Variants in RNF8 observed in about 807,000 individuals in gnomAD.
RNF8 encodes ring finger protein 8.
RNF8 carries 8 observed loss-of-function variants against 59.3 expected under a neutral mutation model. That is an observed-to-expected ratio of 0.13 (90% confidence interval 0.08 to 0.24). The LOEUF (loss-of-function observed/expected upper bound fraction) is 0.24. Among genes scored for constraint, RNF8 ranks in the 10% least tolerant of loss-of-function variants. The pLI is 1.00. For synonymous variants in RNF8, 162 were observed against 200.0 expected, an observed-to-expected ratio of 0.81 and a Z score of 1.60; for missense variants, 406 against 572.6, an observed-to-expected ratio of 0.71 and a Z score of 2.97.
intron 2 of RNF8, among the ~76,000 whole-genome samples, chr6:37,365,863 C>T (rs571355523): frequency 9.2e-5 from 14 of 152,248 alleles, no homozygotes; most frequent in Middle Eastern, 3.4e-3. Flanking sequence ...TGTTCTGTAC[C>T]GCCATGGGAT....
chr6:37,367,191 T>C (rs986817857), intron 2 of RNF8, among the ~76,000 whole-genome samples: 1 of 152,180 alleles, frequency 6.6e-6, no homozygotes, highest in Non-Finnish European at 1.5e-5. Flanking sequence ...TGTTATCTCA[T>C]TAAATCCACA....
At chr6:37,366,568 G>C (rs543963379) in intron 2 of RNF8, among the ~76,000 whole-genome samples, 2 of 152,162 alleles carry the variant, frequency 1.3e-5, no homozygotes, top group African/African-American at 4.8e-5. Context: ...CTTTCTTTCC[G>C]TGTAAACCAA....
Position 37,370,887 on chromosome 6 carries a change from G to T in RNF8, c.976-625G>T, listed in dbSNP as rs574366483. On this transcript the variant is annotated intron_variant, in intron 3 of 7. Transcript: ENST00000373479. Reference sequence around the variant, plus strand: ...ATAGTAAATTAGAGAACAATTTCAAGTTGGCATATTAAATGGGTAGGTAAT... The same window carrying T: ...ATAGTAAATTAGAGAACAATTTCAATTTGGCATATTAAATGGGTAGGTAAT... 3.3e-5 allele frequency among the ~76,000 whole-genome samples: 5 copies of T among 152,198 alleles called. No individual in the cohort carries two copies. In the South Asian group the frequency reaches 1.0e-3, roughly 32 times the overall value.
Position 37,368,884 on chromosome 6 carries a change from A to G in RNF8, c.641A>G (p.Lys214Arg). ...AAGTTGACTGCCCTTGAGCCAAGTA[A>G]GACCACAGGGGCTCCCATTTACCCT... ...DPKLTALEPS[K>R]TTGAPIYPGF... Residue 214 changes from lysine (K) to arginine (R), a missense_variant, in exon 3 of 8, where the codon AAG (lysine) becomes AGG (arginine). Around this residue, in one of 3 missense-constraint regions of RNF8, gnomAD observed 285 missense variants for 342.0 expected, o/e 0.83. Coordinates refer to ENST00000373479, the MANE Select transcript of RNF8 (RefSeq NM_003958.4). 1 of 1,614,196 alleles carries G rather than the reference A, an allele frequency of 6.2e-7. No individual in the cohort carries two copies. Among genetic ancestry groups the G allele is most frequent in the South Asian group, 1.1e-5 (1 of 91,078 alleles).
intron 3 of RNF8, 123 bp downstream of exon 3, chr6:37,369,341 A>G: frequency 4.3e-6 from 5 of 1,175,784 alleles, no homozygotes; most frequent in South Asian, 3.3e-5. Flanking sequence ...AAGACAGGAA[A>G]TGGAATGGGA....
At chr6:37,387,197 A>C (rs1770540485) in intron 7 of RNF8, among the ~76,000 whole-genome samples, 1 of 152,188 alleles carries the variant, frequency 6.6e-6, no homozygotes, top group South Asian at 2.1e-4. Context: ...TATGGTTCTT[A>C]AGAAATCTGA....
At chr6:37,367,277 C>G (rs979454370) in intron 2 of RNF8, among the ~76,000 whole-genome samples, 3 of 152,208 alleles carry the variant, frequency 2.0e-5, no homozygotes, top group African/African-American at 4.8e-5. Context: ...GGTCAAGAAA[C>G]CTGGCCAACA....
rs561966478 is a variant in RNF8 at position 37,392,586 on chromosome 6, C to T, written c.*1828C>T. ...ATGGTAAACTGTACGCTATTCTGAA[C>T]CTTGCTTTTTTCAGATATATGTTGG... On this transcript the variant is annotated 3_prime_UTR_variant, in exon 8 of 8. Transcript: ENST00000373479. The T allele has an allele frequency of 2.5e-6, 1 of 398,554 alleles. No individual in the cohort carries two copies. The highest frequency in any genetic ancestry group is 4.4e-6 in the Non-Finnish European group (1 of 226,052). 24.7% of individuals were successfully genotyped at this position (398,554 alleles called of 1,614,324 possible).
At chr6:37,361,338 G>A (rs987436466) in intron 2 of RNF8, 14 of 455,444 alleles carry the variant, frequency 3.1e-5, no homozygotes, top group African/African-American at 2.8e-4. Flanking sequence ...CTGGGAGCAG[G>A]GGACCACCAG....
chr6:37,358,854 T>G (rs1769211894), intron 1 of RNF8, among the ~76,000 whole-genome samples: 1 of 152,092 alleles, frequency 6.6e-6, no homozygotes, highest in South Asian at 2.1e-4. Flanking sequence ...CCCAGCACTG[T>G]GGGAGGCTGA....
intron 1 of RNF8, chr6:37,359,270 C>T (rs538848719): frequency 2.3e-6 from 1 of 441,662 alleles, no homozygotes; most frequent in Non-Finnish European, 4.5e-6. Flanking sequence ...AGCTCTCAAG[C>T]TGTTCTTGTG....
chr6:37,379,197 G>A (rs1011474363), intron 6 of RNF8, among the ~76,000 whole-genome samples: 1 of 151,976 alleles, frequency 6.6e-6, no homozygotes, highest in South Asian at 2.1e-4. Context: ...TGTATTTTTA[G>A]TAGAGATGGG....
chr6:37,383,458 A>G (rs945407262), intron 7 of RNF8, among the ~76,000 whole-genome samples: 2 of 152,222 alleles, frequency 1.3e-5, no homozygotes, highest in African/African-American at 4.8e-5. Flanking sequence ...CAAGCCTGTA[A>G]TTGTCAGAGT....
intron 7 of RNF8, among the ~76,000 whole-genome samples, chr6:37,387,684 C>G (rs969123113): frequency 5.9e-5 from 9 of 152,116 alleles, no homozygotes; most frequent in African/African-American, 2.2e-4. Flanking sequence ...ATGCTAAGTG[C>G]TTGGGGATAA....
intron 2 of RNF8, among the ~76,000 whole-genome samples, chr6:37,363,555 A>G (rs960134389): frequency 3.3e-5 from 5 of 152,366 alleles, no homozygotes; most frequent in Admixed American, 3.3e-4. Context: ...AATTAAAACC[A>G]TAATGGAATA....
Position 37,371,580 on chromosome 6 carries a change from T to C in RNF8, c.1038+6T>C, listed in dbSNP as rs1160681613. 6.2e-7 allele frequency: 1 copy of C among 1,612,386 alleles called. No homozygotes were observed. Among genetic ancestry groups the C allele is most frequent in the Non-Finnish European group, 8.5e-7 (1 of 1,178,672 alleles). On this transcript the variant is annotated splice_donor_region_variant and intron_variant, in intron 4 of 7. Coordinates refer to ENST00000373479, the MANE Select transcript of RNF8 (RefSeq NM_003958.4). The stretch of plus-strand genomic sequence containing the variant: ...TGGCCCAGGCTCTGCAGGAGGTAAC[T>C]TTGCCATAGTACTAAGATTATAGTG...
At chr6:37,364,178 C>CCAAAAA (rs1769453574) in intron 2 of RNF8, among the ~76,000 whole-genome samples, 2 of 82,320 alleles carry the variant, frequency 2.4e-5, no homozygotes, top group South Asian at 8.3e-4. Flanking sequence ...GACTCTGTCT[C>CCAAAAA]AAAAAAAAAA....
chr6:37,376,262 T>G (rs1770012879), intron 5 of RNF8, among the ~76,000 whole-genome samples: 1 of 152,228 alleles, frequency 6.6e-6, no homozygotes, highest in Non-Finnish European at 1.5e-5. Flanking sequence ...TTGGTGTGGT[T>G]AGTATGTCAC....
Position 37,360,713 on chromosome 6 carries a change from G to T in RNF8, c.240+139G>T. 1 of 791,762 alleles carries T rather than the reference G, an allele frequency of 1.3e-6. No homozygotes were observed. Among genetic ancestry groups the T allele is most frequent in the Admixed American group, 3.1e-5 (1 of 32,762 alleles). The allele number at this position is 791,762 out of a possible 1,614,324, so 49.0% of individuals were successfully genotyped here. A position where few individuals can be genotyped will look rare whatever the true frequency, so the allele number is the denominator to read the frequency against. On this transcript the variant is annotated intron_variant, in intron 2 of 7. Transcript: ENST00000373479. This position sits in a 1 kb window ranked among gnomAD's most constrained non-coding sequence, Gnocchi z 4.2. ...AGCCATCCAGTTCCCTTTTCCAGAG[G>T]CAGCCACTTCCATATGCTGCCAGAG...
Sources: allele counts gnomAD v4.1 joint callset (sites outside exome capture counted in the v4.1 genomes callset), GRCh38; gene constraint gnomAD v4.1.1; regional missense constraint gnomAD v4.1.1; non-coding constraint Gnocchi (gnomAD v3.1); transcripts MANE v1.5; gene names NCBI Gene and HGNC (gene_info 2026-07-23, HGNC 2026-07-21).